MAPRE1: variants seen among roughly 807,000 people sequenced by gnomAD.
MAPRE1 encodes the protein microtubule associated protein RP/EB family member 1.
A neutral mutation model predicts 32.1 loss-of-function variants in MAPRE1; 5 were observed. The ratio of observed to expected loss-of-function variants is 0.16; its 90% CI spans 0.08 to 0.33. The LOEUF (loss-of-function observed/expected upper bound fraction) is 0.33. MAPRE1 is among the 10% of genes least tolerant of loss of function. The pLI, the probability that MAPRE1 is intolerant of heterozygous loss-of-function variation, is 1.00. For synonymous variants in MAPRE1, 122 were observed against 118.9 expected, an observed-to-expected ratio of 1.03 and a Z score of -0.17; for missense variants, 209 against 327.2, an observed-to-expected ratio of 0.64 and a Z score of 2.79.
At chr20:32,836,032 A>G (rs1983192190) in intron 3 of MAPRE1, among the ~76,000 whole-genome samples, 1 of 151,640 alleles carries the variant, frequency 6.6e-6, no homozygotes, top group South Asian at 2.1e-4. Flanking sequence ...CACAGTCTCG[A>G]CTCACTGCAA....
chr20:32,840,005 G>T (rs1983316326), intron 5 of MAPRE1, 149 bp downstream of exon 5: 1 of 1,127,224 alleles, frequency 8.9e-7, no homozygotes, highest in Non-Finnish European at 1.3e-6. Context: ...TGCTGTGCGG[G>T]GAGCATGAAC....
intron 5 of MAPRE1, among the ~76,000 whole-genome samples, chr20:32,845,699 CT>C (rs1176499084): frequency 1.3e-5 from 2 of 152,116 alleles, no homozygotes; most frequent in Non-Finnish European, 2.9e-5. Flanking sequence ...TCACAACTGG[CT>C]TTTAACTCTT....
At chr20:32,829,367 A>C (rs770920745) in intron 2 of MAPRE1, among the ~76,000 whole-genome samples, 10 of 152,150 alleles carry the variant, frequency 6.6e-5, no homozygotes. Context: ...TGTCTCTTGG[A>C]GTATGTAGAT....
rs1436999142 is a variant in MAPRE1 at position 32,849,171 on chromosome 20, G to A, written c.*443G>A. 6.5e-6 allele frequency: 1 copy of A among 153,578 alleles called. No individual in the cohort carries two copies. The highest frequency in any genetic ancestry group is 1.5e-5 in the Non-Finnish European group (1 of 68,700). The allele number at this position is 153,578 out of a possible 1,614,324, so 9.5% of individuals were successfully genotyped here. A position where few individuals can be genotyped will look rare whatever the true frequency, so the allele number is the denominator to read the frequency against. ...GCTTCCACATTTCAAAATATAAAAT[G>A]TAACATGACAAGAGATTTTGCGTTT... On this transcript the variant is annotated 3_prime_UTR_variant, in exon 7 of 7. Transcript: ENST00000375571.
At chr20:32,834,902 A>T (rs919706526) in intron 3 of MAPRE1, among the ~76,000 whole-genome samples, 8 of 152,204 alleles carry the variant, frequency 5.3e-5, no homozygotes, top group Non-Finnish European at 1.2e-4. Context: ...ATTCTATCCT[A>T]TCCTATGTAT....
chr20:32,845,075 G>C (rs893559176), intron 5 of MAPRE1, among the ~76,000 whole-genome samples: 2 of 152,204 alleles, frequency 1.3e-5, no homozygotes, highest in Non-Finnish European at 2.9e-5. Context: ...GGGTCTTGCT[G>C]TGTCTCCCAG....
intron 2 of MAPRE1, among the ~76,000 whole-genome samples, chr20:32,831,389 TAAA>T (rs1983019568): frequency 6.6e-6 from 1 of 151,940 alleles, no homozygotes; most frequent in East Asian, 1.9e-4. Flanking sequence ...AATAGGGAAA[TAAA>T]TAAGAATGTT....
intron 3 of MAPRE1, among the ~76,000 whole-genome samples, chr20:32,834,685 G>C (rs1983136322): frequency 6.6e-6 from 1 of 151,832 alleles, no homozygotes; most frequent in South Asian, 2.1e-4. Flanking sequence ...TATAGTATAA[G>C]AATATCACTT....
In MAPRE1 at chr20:32,835,364, G is replaced by GTTTTTTTTTTTTTTTTTTT. The variant is rs71190879; in HGVS notation, c.268-1254_268-1253insTTTTTTTTTTTTTTTTTTT. 3.0e-4 allele frequency among the ~76,000 whole-genome samples: 32 copies of GTTTTTTTTTTTTTTTTTTT among 106,618 alleles called. 5 individuals are homozygous for GTTTTTTTTTTTTTTTTTTT. Among genetic ancestry groups the GTTTTTTTTTTTTTTTTTTT allele is most frequent in the African/African-American group, 8.9e-4 (19 of 21,430 alleles). The allele number at this position is 106,618 out of a possible 152,430, so 69.9% of individuals were successfully genotyped here. A position where few individuals can be genotyped will look rare whatever the true frequency, so the allele number is the denominator to read the frequency against. ...TTTTTGTGTGTGTGTTTTTATTGGT[G>GTTTTTTTTTTTTTTTTTTT]TTTTTTTTTTTTTTTTGAGATGAGG... is the stretch of plus-strand genomic sequence containing the variant. On this transcript the variant is annotated intron_variant, in intron 3 of 6. Coordinates refer to ENST00000375571, the MANE Select transcript of MAPRE1 (RefSeq NM_012325.3).
rs189510484 is a variant in MAPRE1, at chr20:32,848,747, C to G, written c.*19C>G. The G allele has an allele frequency of 6.2e-7, 1 of 1,603,418 alleles. No homozygotes were observed. The highest frequency in any genetic ancestry group is 1.3e-5 in the African/African-American group (1 of 74,576). On this transcript the variant is annotated 3_prime_UTR_variant, in exon 7 of 7. Coordinates refer to ENST00000375571, the MANE Select transcript of MAPRE1 (RefSeq NM_012325.3). ...GTATTAACAGCCTGGACCAGCAGAG[C>G]AACATCGGAATTCTTCACTCCAAAT...
At position 32,841,453 on chromosome 20, in the gene MAPRE1, C is replaced by CT. The variant is rs1160465398; in HGVS notation, c.597+1609dup. Among the ~76,000 whole-genome samples, 345 of 143,772 alleles carry CT rather than the reference C, an allele frequency of 2.4e-3. 1 individual carries two copies. Among genetic ancestry groups the CT allele is most frequent in the East Asian group, 7.5e-3 (37 of 4,956 alleles). 94.3% of individuals were successfully genotyped at this position (143,772 alleles called of 152,430 possible). A position where few individuals can be genotyped will look rare whatever the true frequency, so the allele number is the denominator to read the frequency against. On this transcript the variant is annotated intron_variant, in intron 5 of 6. Transcript: ENST00000375571. ...CAGTGTGGCTGCTCTCTGCTCAGCT[C>CT]TTTTTTTTTTTTAATTATTATTATT...
chr20:32,847,863 A>G (rs1983546800), intron 6 of MAPRE1, among the ~76,000 whole-genome samples: 1 of 152,058 alleles, frequency 6.6e-6, no homozygotes, highest in South Asian at 2.1e-4. Context: ...TTCCTTGTGC[A>G]CTCAATTTTT....
chr20:32,829,466 T>C (rs1982958660), intron 2 of MAPRE1, among the ~76,000 whole-genome samples: 1 of 152,190 alleles, frequency 6.6e-6, no homozygotes, highest in Admixed American at 6.5e-5. Context: ...ACATTGTCTC[T>C]CTGAAGAAGG....
intron 5 of MAPRE1, 21 bp downstream of exon 5, chr20:32,839,877 C>T: frequency 1.2e-6 from 2 of 1,613,566 alleles, no homozygotes; most frequent in South Asian, 1.1e-5. Flanking sequence ...CTGTGTTTAG[C>T]ACGTGAGTCA....
At position 32,848,662 on chromosome 20, in the gene MAPRE1, C is replaced by T; in HGVS notation, c.751-10C>T. 6.2e-7 allele frequency: 1 copy of T among 1,610,066 alleles called. No individual in the cohort carries two copies. Among genetic ancestry groups the T allele is most frequent in the Non-Finnish European group, 8.5e-7 (1 of 1,178,046 alleles). On this transcript the variant is annotated splice_polypyrimidine_tract_variant and intron_variant, in intron 6 of 6. Coordinates refer to ENST00000375571, the MANE Select transcript of MAPRE1 (RefSeq NM_012325.3). ...TTCAGTGGCTTTCCCCTCTCATTTT[C>T]CTATTTCAGGAAGGCTTTGTGATAC...
At chr20:32,829,144 C>T (rs1192840312) in intron 2 of MAPRE1, among the ~76,000 whole-genome samples, 1 of 152,078 alleles carries the variant, frequency 6.6e-6, no homozygotes, top group East Asian at 1.9e-4. Flanking sequence ...GAACTCCTGA[C>T]CTTGTGATCC....
intron 4 of MAPRE1, among the ~76,000 whole-genome samples, chr20:32,837,931 A>G (rs1480108024): frequency 6.6e-6 from 1 of 152,046 alleles, no homozygotes; most frequent in African/African-American, 2.4e-5. Flanking sequence ...TGAAATACAA[A>G]AATTATCTGG....
intron 2 of MAPRE1, among the ~76,000 whole-genome samples, chr20:32,830,018 G>A (rs997056693): frequency 6.6e-6 from 1 of 152,096 alleles, no homozygotes; most frequent in African/African-American, 2.4e-5. Context: ...TTCCTGTGTT[G>A]CATTCCATAT....
At position 32,835,901 on chromosome 20, in the gene MAPRE1, C is replaced by T. The variant is rs575132216; in HGVS notation, c.268-733C>T. Among the ~76,000 whole-genome samples the T allele has an allele frequency of 2.6e-5, 4 of 152,012 alleles. No homozygotes were observed. In the East Asian group the frequency reaches 5.8e-4, roughly 22 times the overall value. On this transcript the variant is annotated intron_variant, in intron 3 of 6. Coordinates refer to ENST00000375571, the MANE Select transcript of MAPRE1 (RefSeq NM_012325.3). ...GATTACAGGTGTGAGCCACCACGCC[C>T]GGCCCAGAATTTTCTTGAACACAGT...
Sources: allele counts gnomAD v4.1 joint callset (sites outside exome capture counted in the v4.1 genomes callset), GRCh38; gene constraint gnomAD v4.1.1; transcripts MANE v1.5; gene names NCBI Gene and HGNC (gene_info 2026-07-23, HGNC 2026-07-21).